The following PRKAR1B variants were observed in gnomAD, a reference collection of about 807,000 sequenced individuals.
PRKAR1B encodes protein kinase cAMP-dependent type I regulatory subunit beta.
PRKAR1B carries 22 observed loss-of-function variants against 46.5 expected under a neutral mutation model. That is an observed-to-expected ratio of 0.47 (90% CI 0.34 to 0.68). The LOEUF (loss-of-function observed/expected upper bound fraction) is 0.68. Ranked by LOEUF, PRKAR1B falls within the 30% of genes least tolerant of loss-of-function variation. The probability of loss-of-function intolerance (pLI) is 0.01; values close to 1 mark genes in which losing one functional copy is unlikely to be tolerated. For missense variants in PRKAR1B, 445 were observed against 535.6 expected (o/e 0.83, Z 1.67); for synonymous variants, 259 against 217.7 (o/e 1.19, Z -1.67).
Position 666,083 on chromosome 7 carries a change from G to A in PRKAR1B, c.440+11146C>T, listed in dbSNP as rs951171493. Among the ~76,000 whole-genome samples the A allele has an allele frequency of 7.2e-5, 11 of 152,164 alleles. No homozygotes were observed. Among genetic ancestry groups the A allele is most frequent in the East Asian group, 1.9e-4 (1 of 5,194 alleles). ...GAGGCCCAACGCACAACACAAACACGCACGGTGCCACCCAATTATCACGTT... is the reference window on the plus strand; with the variant it reads ...GAGGCCCAACGCACAACACAAACACACACGGTGCCACCCAATTATCACGTT... On this transcript the variant is annotated intron_variant, in intron 4 of 10. Transcript: ENST00000537384. This position sits in a 1 kb window ranked among gnomAD's most constrained non-coding sequence, Gnocchi z 4.9.
At chr7:695,403 G>C (rs1779675562) in intron 2 of PRKAR1B, among the ~76,000 whole-genome samples, 1 of 152,200 alleles carries the variant, frequency 6.6e-6, no homozygotes, top group Admixed American at 6.5e-5. Flanking sequence ...TGGGGTCGGG[G>C]TGGAATCTAA....
intron 6 of PRKAR1B, among the ~76,000 whole-genome samples, chr7:605,812 C>T (rs187022680): frequency 2.6e-4 from 39 of 152,258 alleles, no homozygotes; most frequent in Middle Eastern, 3.4e-3. Flanking sequence ...GCTCTCCCAC[C>T]CACTTTGAGA....
rs1562509774 is a variant in PRKAR1B at position 550,248 on chromosome 7, G to A, written c.*182C>T. On this transcript the variant is annotated 3_prime_UTR_variant, in exon 11 of 11. Coordinates refer to ENST00000537384, the MANE Select transcript of PRKAR1B (RefSeq NM_001164760.2). ...ATTTTGTCCGCTTGTCCTTTGATTT[G>A]GAAATGCACAAGGTGATCATTTATT... is the stretch of plus-strand genomic sequence containing the variant. 1 of 595,122 alleles carries A rather than the reference G, an allele frequency of 1.7e-6. No homozygotes were observed. The highest frequency in any genetic ancestry group is 2.9e-5 in the East Asian group (1 of 34,378). 36.9% of individuals were successfully genotyped at this position (595,122 alleles called of 1,614,324 possible). A position where few individuals can be genotyped will look rare whatever the true frequency, so the allele number is the denominator to read the frequency against.
chr7:718,211 A>G (rs186604131), intron 1 of PRKAR1B, among the ~76,000 whole-genome samples: 184 of 151,326 alleles, frequency 1.2e-3, no homozygotes, highest in Non-Finnish European at 2.1e-3. Flanking sequence ...CTCCTGACCC[A>G]CAGACAGCCG....
chr7:658,524 G>A (rs556664439), intron 4 of PRKAR1B, among the ~76,000 whole-genome samples: 82 of 152,324 alleles, frequency 5.4e-4, no homozygotes, highest in African/African-American at 1.9e-3. Context: ...GATCAGGGTC[G>A]GGAGAAAGTG....
Position 573,218 on chromosome 7 carries a change from C to A in PRKAR1B, c.891+6038G>T, listed in dbSNP as rs929595000. Among the ~76,000 whole-genome samples the A allele has an allele frequency of 2.0e-5, 3 of 152,206 alleles. No individual in the cohort carries two copies. In the East Asian group the frequency reaches 5.8e-4, roughly 29 times the overall value. On this transcript the variant is annotated intron_variant, in intron 9 of 10. Coordinates refer to ENST00000537384, the MANE Select transcript of PRKAR1B (RefSeq NM_001164760.2). The stretch of plus-strand genomic sequence containing the variant: ...AAAAGATCCAGGTTGCCAAGGAGAC[C>A]CTTTCAAATACATTTTACAGCGCTA...
chr7:583,480 C>CACGCGT lies in PRKAR1B; in HGVS notation c.769+1027_769+1028insACGCGT, dbSNP rs1491330834. On this transcript the variant is annotated intron_variant, in intron 8 of 10. Transcript: ENST00000537384. ...ACTCACACACGTGCACTCACACCCA[C>CACGCGT]GCACACACGTGTGTGCACACCCATA... Among the ~76,000 whole-genome samples the CACGCGT allele has an allele frequency of 6.7e-5, 8 of 119,128 alleles. No homozygotes were observed. In the South Asian group the frequency reaches 1.4e-3, roughly 21 times the overall value. 78.2% of individuals were successfully genotyped at this position (119,128 alleles called of 152,430 possible).
intron 6 of PRKAR1B, among the ~76,000 whole-genome samples, chr7:601,180 G>A (rs915521927): frequency 3.3e-5 from 5 of 152,222 alleles, no homozygotes; most frequent in East Asian, 1.9e-4. Context: ...CACGGCAAAC[G>A]GCCGTCCCTT....
intron 4 of PRKAR1B, among the ~76,000 whole-genome samples, chr7:651,665 C>G: frequency 6.6e-6 from 1 of 151,670 alleles, no homozygotes; most frequent in South Asian, 2.1e-4. Context: ...AAACCCCTCT[C>G]GGAACACAGT....
At chr7:576,973 C>A (rs1583232124) in intron 9 of PRKAR1B, among the ~76,000 whole-genome samples, 2 of 152,108 alleles carry the variant, frequency 1.3e-5, no homozygotes, top group African/African-American at 4.8e-5. Context: ...CATCAGCGGC[C>A]TCGTCCAACG....
At chr7:551,801 C>A (rs1340008894) in intron 9 of PRKAR1B, among the ~76,000 whole-genome samples, 9 of 135,664 alleles carry the variant, frequency 6.6e-5, no homozygotes, top group South Asian at 2.5e-4. Context: ...ATCACCATGT[C>A]ACCACCCAAA....
chr7:649,235 G>A (rs1029591788), intron 4 of PRKAR1B, among the ~76,000 whole-genome samples: 5 of 152,140 alleles, frequency 3.3e-5, no homozygotes, highest in African/African-American at 9.7e-5. Context: ...TTTTCTCCTC[G>A]AATGAGTATT....
At chr7:723,998 A>G (rs1351355883) in intron 1 of PRKAR1B, among the ~76,000 whole-genome samples, 2 of 152,178 alleles carry the variant, frequency 1.3e-5, no homozygotes, top group African/African-American at 4.8e-5. Flanking sequence ...TTTTATGAGG[A>G]CAGCAGTCAT....
At chr7:575,726 C>T (rs1478357237) in intron 9 of PRKAR1B, among the ~76,000 whole-genome samples, 2 of 151,908 alleles carry the variant, frequency 1.3e-5, no homozygotes, top group South Asian at 2.1e-4. Context: ...TTTCACCTGT[C>T]TTATGGTGCT....
At chr7:638,164 C>G (rs1242237293) in intron 4 of PRKAR1B, among the ~76,000 whole-genome samples, 1 of 152,248 alleles carries the variant, frequency 6.6e-6, no homozygotes, top group Non-Finnish European at 1.5e-5. Context: ...GAGCCTGGGA[C>G]TGAAAGCCTA....
At chr7:678,714 G>C (rs1194945839) in intron 3 of PRKAR1B, among the ~76,000 whole-genome samples, 4 of 152,270 alleles carry the variant, frequency 2.6e-5, no homozygotes, top group Non-Finnish European at 4.4e-5. Context: ...GTAACGCAGA[G>C]AGCCCCTGTG....
At chr7:553,962 G>T (rs1403908161) in intron 9 of PRKAR1B, among the ~76,000 whole-genome samples, 1 of 152,272 alleles carries the variant, frequency 6.6e-6, no homozygotes, top group Non-Finnish European at 1.5e-5. Context: ...GTGGGCAGGG[G>T]GAGACAGGGA....
At chr7:669,385 A>T (rs1307494898) in intron 4 of PRKAR1B, among the ~76,000 whole-genome samples, 1 of 152,196 alleles carries the variant, frequency 6.6e-6, no homozygotes, top group African/African-American at 2.4e-5. Context: ...TCCATTTGGA[A>T]TGATGAAAAT....
In PRKAR1B at chr7:711,604, A is replaced by C. The variant is rs1213930486; in HGVS notation, c.-22-77T>G. 3.0e-6 allele frequency: 4 copies of C among 1,318,352 alleles called. No homozygotes were observed. The African/African-American group carries it at 5.9e-5, about 19-fold the overall frequency. 81.7% of individuals were successfully genotyped at this position (1,318,352 alleles called of 1,614,324 possible). On this transcript the variant is annotated intron_variant, in intron 1 of 10. Transcript: ENST00000537384. ...CGCCGGATAAACGCAGGCGGCGTGA[A>C]CCAGGCTTCTCCCAGGAGCGTGGAA...
Sources: allele counts gnomAD v4.1 joint callset (sites outside exome capture counted in the v4.1 genomes callset), GRCh38; gene constraint gnomAD v4.1.1; non-coding constraint Gnocchi (gnomAD v3.1); transcripts MANE v1.5; gene names NCBI Gene and HGNC (gene_info 2026-07-23, HGNC 2026-07-21).